Variants in ANKRD11 observed in about 807,000 individuals in gnomAD.
The protein encoded by ANKRD11 is ankyrin repeat domain-containing protein 11.
ANKRD11 carries 17 observed loss-of-function variants against 195.7 expected under a neutral mutation model. That is an observed-to-expected ratio of 0.09 (90% CI 0.06 to 0.13). ANKRD11 has a LOEUF of 0.13. Among genes scored for constraint, ANKRD11 ranks in the 10% least tolerant of loss-of-function variants. The probability of loss-of-function intolerance (pLI) is 1.00; values close to 1 mark genes in which losing one functional copy is unlikely to be tolerated. For synonymous variants in ANKRD11, 1,953 were observed against 1,528.1 expected (o/e 1.28, Z -6.49); for missense variants, 3,735 against 3,566.1 (o/e 1.05, Z -1.21).
rs151329092 is a variant in ANKRD11, at chr16:89,280,514, C to G, written c.6028G>C (p.Ala2010Pro). 1 of 1,608,898 alleles carries G rather than the reference C, an allele frequency of 6.2e-7. No individual in the cohort carries two copies. The change falls in exon 9 of 13, where the codon GCC becomes CCC. Residue 2010 changes from alanine to proline, a missense_variant. Coordinates refer to ENST00000301030, the MANE Select transcript of ANKRD11 (RefSeq NM_013275.6). Reference protein sequence around the residue: ...LHSAAPGPFSASEAPYPAPPA... With the variant: ...LHSAAPGPFSPSEAPYPAPPA... ...GGGGCGGGGTACGGCGCCTCCGAGGCGCTGAAGGGCCCTGGGGCGGCAGAG... is the reference window on the plus strand; with the variant it reads ...GGGGCGGGGTACGGCGCCTCCGAGGGGCTGAAGGGCCCTGGGGCGGCAGAG...
chr16:89,372,824 G>A (rs1465103258), intron 2 of ANKRD11: 1 of 152,128 alleles, frequency 6.6e-6, no homozygotes, highest in Admixed American at 6.6e-5. Flanking sequence ...CTGTGGCAGG[G>A]ACTCACTGAA....
chr16:89,349,291 G>T (rs1242048896), intron 2 of ANKRD11, among the ~76,000 whole-genome samples: 1 of 151,890 alleles, frequency 6.6e-6, no homozygotes, highest in East Asian at 1.9e-4. Context: ...CACTTTGGGA[G>T]AACACGGTGA....
chr16:89,268,791 C>A, intron 12 of ANKRD11, 128 bp from the exon 13 acceptor site: 1 of 1,029,076 alleles, frequency 9.7e-7, no homozygotes, highest in Non-Finnish European at 1.4e-6. Flanking sequence ...ATGGGCCAGG[C>A]CCAGCTGTAC....
intron 6 of ANKRD11, among the ~76,000 whole-genome samples, chr16:89,289,177 T>C (rs976109471): frequency 6.6e-6 from 1 of 152,098 alleles, no homozygotes; most frequent in Non-Finnish European, 1.5e-5. Flanking sequence ...GCTGGGGAGC[T>C]TGGAGTCCAC....
intron 2 of ANKRD11, chr16:89,323,223 G>GAA: frequency 5.5e-6 from 6 of 1,090,828 alleles, no homozygotes; most frequent in Non-Finnish European, 2.5e-6. Context: ...CTGAGCGGAG[G>GAA]AAAAAAGAAA....
intron 2 of ANKRD11, among the ~76,000 whole-genome samples, chr16:89,383,417 T>C (rs1483736809): frequency 6.6e-6 from 1 of 152,220 alleles, no homozygotes; most frequent in Non-Finnish European, 1.5e-5. Flanking sequence ...CCCCACACTC[T>C]GGGAGAATGT....
intron 2 of ANKRD11, among the ~76,000 whole-genome samples, chr16:89,404,357 A>G (rs2041824050): frequency 6.6e-6 from 1 of 152,218 alleles, no homozygotes; most frequent in South Asian, 2.1e-4. Context: ...ACATTTTTGT[A>G]ATCAAAGGGC....
chr16:89,288,785 G>A, intron 6 of ANKRD11, 115 bp from the exon 7 acceptor site: 1 of 1,465,088 alleles, frequency 6.8e-7, no homozygotes, highest in South Asian at 1.2e-5. Context: ...GTGGGGAGCT[G>A]CCCTGTAGTG....
Position 89,281,030 on chromosome 16 carries a change from C to T in ANKRD11, c.5512G>A (p.Val1838Ile). The change falls in exon 9 of 13, where the codon GTT becomes ATT. Residue 1838 changes from valine to isoleucine, a missense_variant. By Grantham distance (29) the Val-to-Ile change is conservative. Transcript: ENST00000301030. The surrounding 1 kb of genome is among the most constrained non-coding windows in gnomAD (Gnocchi z 5.5). Reference sequence around the variant, plus strand: ...AAGCAGGCAAACTTCTCCGCGGGAACCGGGGGCAGGGGCGCCCTGTCTTCC... The same window carrying T: ...AAGCAGGCAAACTTCTCCGCGGGAATCGGGGGCAGGGGCGCCCTGTCTTCC... ...SMEDRAPLPP[V>I]PAEKFACLSP... 2 of 1,597,040 alleles carry T rather than the reference C, an allele frequency of 1.3e-6. No individual in the cohort carries two copies. The highest frequency in any genetic ancestry group is 2.2e-5 in the East Asian group (1 of 44,586).
intron 2 of ANKRD11, among the ~76,000 whole-genome samples, chr16:89,331,246 G>A (rs772892530): frequency 3.9e-5 from 6 of 152,184 alleles, no homozygotes; most frequent in Admixed American, 6.5e-5. Context: ...GAGCCACTGC[G>A]CCCGGCCTGA....
chr16:89,309,649 G>A lies in ANKRD11; in HGVS notation c.88-4305C>T, dbSNP rs866912808. 3.0e-4 allele frequency among the ~76,000 whole-genome samples: 45 copies of A among 152,338 alleles called. 1 individual carries two copies. Among genetic ancestry groups the A allele is most frequent in the South Asian group, 8.3e-4 (4 of 4,832 alleles). Reference sequence around the variant, plus strand: ...AGCGTGGCACAGCCACCAGGAAGGCGGCTCCCATCCACCTGGGCTCAGAGC... The same window carrying A: ...AGCGTGGCACAGCCACCAGGAAGGCAGCTCCCATCCACCTGGGCTCAGAGC... On this transcript the variant is annotated intron_variant, in intron 3 of 12. Coordinates refer to ENST00000301030, the MANE Select transcript of ANKRD11 (RefSeq NM_013275.6).
At chr16:89,431,903 G>A (rs900476754) in intron 1 of ANKRD11, among the ~76,000 whole-genome samples, 3 of 152,056 alleles carry the variant, frequency 2.0e-5, no homozygotes, top group Non-Finnish European at 2.9e-5. Flanking sequence ...GGGCACCACT[G>A]TCTAACCCTC....
chr16:89,480,110 CA>C (rs532629752), intron 1 of ANKRD11, among the ~76,000 whole-genome samples: 39 of 142,078 alleles, frequency 2.7e-4, no homozygotes, highest in Admixed American at 9.2e-4. Context: ...GACTCAGTCT[CA>C]AAAAAAAAAA....
chr16:89,364,056 C>T (rs972385049), intron 2 of ANKRD11, among the ~76,000 whole-genome samples: 1 of 139,462 alleles, frequency 7.2e-6, no homozygotes, highest in African/African-American at 2.6e-5. Context: ...CCAAGTGACA[C>T]GCTGATTTAA....
intron 1 of ANKRD11, among the ~76,000 whole-genome samples, chr16:89,464,623 A>AG (rs11392649): frequency 1.1e-4 from 17 of 149,736 alleles, no homozygotes; most frequent in Non-Finnish European, 2.1e-4. Flanking sequence ...AAAAAAAAAA[A>AG]GAAAAGAAAA....
At chr16:89,309,797 G>A (rs1405243518) in intron 3 of ANKRD11, among the ~76,000 whole-genome samples, 1 of 152,194 alleles carries the variant, frequency 6.6e-6, no homozygotes, top group African/African-American at 2.4e-5. Context: ...TTTCCTAAAT[G>A]CAAATATCTC....
chr16:89,348,109 T>C (rs928966706), intron 2 of ANKRD11, among the ~76,000 whole-genome samples: 3 of 152,042 alleles, frequency 2.0e-5, no homozygotes, highest in African/African-American at 7.3e-5. Flanking sequence ...TTTTTGTATT[T>C]TTTGTACAGA....
intron 2 of ANKRD11, among the ~76,000 whole-genome samples, chr16:89,333,063 T>G (rs1181866867): frequency 6.6e-6 from 1 of 152,160 alleles, no homozygotes; most frequent in South Asian, 2.1e-4. Flanking sequence ...GAAGGGCCCC[T>G]GTGGGGCATG....
chr16:89,343,114 G>A (rs2038769766), intron 2 of ANKRD11, among the ~76,000 whole-genome samples: 1 of 152,214 alleles, frequency 6.6e-6, no homozygotes, highest in East Asian at 1.9e-4. Context: ...TCAGCCTCCC[G>A]AGTAGCTGGG....
Sources: allele counts gnomAD v4.1 joint callset (sites outside exome capture counted in the v4.1 genomes callset), GRCh38; gene constraint gnomAD v4.1.1; non-coding constraint Gnocchi (gnomAD v3.1); transcripts MANE v1.5; gene names NCBI Gene and HGNC (gene_info 2026-07-23, HGNC 2026-07-21).